The following UNC5D variants were observed in gnomAD, a reference collection of about 807,000 sequenced individuals.
UNC5D encodes the protein unc-5 netrin receptor D, also known as netrin receptor UNC5D.
Under a neutral mutation model 105.4 loss-of-function variants are expected in UNC5D, and 39 were observed. That is an observed-to-expected ratio of 0.37 (90% CI 0.29 to 0.48). The LOEUF (loss-of-function observed/expected upper bound fraction) is 0.48. Among genes scored for constraint, UNC5D ranks in the 20% least tolerant of loss-of-function variants. UNC5D has a pLI of 0.98. For synonymous variants in UNC5D, 452 were observed against 450.4 expected (o/e 1.00, Z -0.04); for missense variants, 991 against 1,202.4 (o/e 0.82, Z 2.60).
At chr8:35,494,766 A>G (rs1395521393) in intron 1 of UNC5D, among the ~76,000 whole-genome samples, 1 of 152,158 alleles carries the variant, frequency 6.6e-6, no homozygotes, top group Admixed American at 6.5e-5. Context: ...TATTCGTTAT[A>G]TTTTTTGTGT....
intron 1 of UNC5D, among the ~76,000 whole-genome samples, chr8:35,330,152 A>G (rs1014923863): frequency 6.6e-6 from 1 of 152,172 alleles, no homozygotes; most frequent in Non-Finnish European, 1.5e-5. Flanking sequence ...CACACTCTTA[A>G]TTTCTCTGAC....
At chr8:35,461,116 G>C (rs1287902395) in intron 1 of UNC5D, among the ~76,000 whole-genome samples, 1 of 152,152 alleles carries the variant, frequency 6.6e-6, no homozygotes, top group Admixed American at 6.5e-5. Flanking sequence ...CTAAAGGAAG[G>C]CTCCAATATT....
chr8:35,368,881 C>A (rs1802279202), intron 1 of UNC5D, among the ~76,000 whole-genome samples: 2 of 152,054 alleles, frequency 1.3e-5, no homozygotes, highest in African/African-American at 4.8e-5. Flanking sequence ...TGTTTGCAAG[C>A]CAAGAACAGA....
At chr8:35,413,289 G>GT (rs55688631) in intron 1 of UNC5D, among the ~76,000 whole-genome samples, 5,433 of 27,130 alleles carry the variant, frequency 0.2, 122 homozygotes, top group South Asian at 0.32. Flanking sequence ...GTGTGTGTGT[G>GT]TGTTGTGTGT....
At chr8:35,351,723 C>T (rs1466832259) in intron 1 of UNC5D, among the ~76,000 whole-genome samples, 1 of 152,114 alleles carries the variant, frequency 6.6e-6, no homozygotes, top group Non-Finnish European at 1.5e-5. Flanking sequence ...CAACTGCCTA[C>T]TATGAGAGTG....
chr8:35,293,442 G>A (rs1807227161), intron 1 of UNC5D, among the ~76,000 whole-genome samples: 3 of 152,044 alleles, frequency 2.0e-5, no homozygotes. Flanking sequence ...TTGTTTTCTG[G>A]CACTACTTCT....
chr8:35,551,629 C>A (rs1816147384), intron 2 of UNC5D, among the ~76,000 whole-genome samples: 1 of 151,936 alleles, frequency 6.6e-6, no homozygotes, highest in Non-Finnish European at 1.5e-5. Flanking sequence ...CCCAGCCTGG[C>A]CAATATGGTG....
chr8:35,331,753 G>A (rs1810647895), intron 1 of UNC5D, among the ~76,000 whole-genome samples: 1 of 152,104 alleles, frequency 6.6e-6, no homozygotes, highest in African/African-American at 2.4e-5. Flanking sequence ...AATAAGAATG[G>A]CCTTCGGAGT....
intron 4 of UNC5D, among the ~76,000 whole-genome samples, chr8:35,657,068 GTGTGTGTGTGTGTATATATA>G (rs1429366117): frequency 5.0e-5 from 5 of 100,756 alleles, no homozygotes; most frequent in African/African-American, 2.4e-4. Flanking sequence ...GTGTGTGTGT[GTGTGTGTGTGTGTATATATA>G]TATATATATA....
At chr8:35,681,777 T>C (rs1361465203) in intron 4 of UNC5D, among the ~76,000 whole-genome samples, 1 of 152,226 alleles carries the variant, frequency 6.6e-6, no homozygotes, top group Non-Finnish European at 1.5e-5. Context: ...TATCATTTTC[T>C]TTCAAATTAA....
At chr8:35,665,443 A>G (rs1439387074) in intron 4 of UNC5D, among the ~76,000 whole-genome samples, 3 of 152,104 alleles carry the variant, frequency 2.0e-5, no homozygotes, top group East Asian at 3.9e-4. Context: ...TCTGGTCTCA[A>G]TCTCTTTCAA....
At chr8:35,486,300 ATGC>A (rs1273884511) in intron 1 of UNC5D, among the ~76,000 whole-genome samples, 3 of 152,220 alleles carry the variant, frequency 2.0e-5, no homozygotes, top group African/African-American at 7.2e-5. Context: ...CATCCAACAC[ATGC>A]TGTCTAATGG....
At chr8:35,288,860 A>ATG (rs1806819694) in intron 1 of UNC5D, among the ~76,000 whole-genome samples, 1 of 152,182 alleles carries the variant, frequency 6.6e-6, no homozygotes, top group Non-Finnish European at 1.5e-5. Context: ...GTTTCACAAA[A>ATG]TGTAAGAAGA....
chr8:35,338,682 C>G (rs1811231846), intron 1 of UNC5D, among the ~76,000 whole-genome samples: 1 of 152,156 alleles, frequency 6.6e-6, no homozygotes, highest in South Asian at 2.1e-4. Flanking sequence ...TGCTTTTCTT[C>G]CTGGCTCACT....
chr8:35,720,788 G>A (rs561086187), intron 8 of UNC5D, among the ~76,000 whole-genome samples: 6 of 151,866 alleles, frequency 4.0e-5, no homozygotes, highest in African/African-American at 1.2e-4. Flanking sequence ...CGGGCACCAT[G>A]CTATTATGGT....
intron 1 of UNC5D, among the ~76,000 whole-genome samples, chr8:35,449,388 A>G (rs191827054): frequency 1.3e-5 from 2 of 152,162 alleles, no homozygotes; most frequent in South Asian, 2.1e-4. Flanking sequence ...CTCTGACTCA[A>G]TGAAGATGTC....
At chr8:35,586,238 C>T (rs1203314372) in intron 3 of UNC5D, among the ~76,000 whole-genome samples, 1 of 152,172 alleles carries the variant, frequency 6.6e-6, no homozygotes, top group African/African-American at 2.4e-5. Flanking sequence ...TGCACCACTG[C>T]ACTCCAGCCT....
intron 4 of UNC5D, among the ~76,000 whole-genome samples, chr8:35,621,220 T>G (rs1236830699): frequency 6.6e-6 from 1 of 152,192 alleles, no homozygotes; most frequent in Non-Finnish European, 1.5e-5. Flanking sequence ...GGCTGTCATA[T>G]AGCAGGTGCT....
intron 2 of UNC5D, among the ~76,000 whole-genome samples, chr8:35,566,648 G>A (rs1016302311): frequency 7.2e-5 from 11 of 152,136 alleles, no homozygotes; most frequent in Admixed American, 2.0e-4. Context: ...GACAAATGAC[G>A]TAGCCTCCTG....
Sources: gnomAD v4.1 joint callset for allele counts (sites outside exome capture counted in the v4.1 genomes callset) on GRCh38, gnomAD v4.1.1 for gene constraint, MANE v1.5 for transcripts, NCBI Gene and HGNC (gene_info 2026-07-23, HGNC 2026-07-21) for gene names.